The following PCSK2 variants were observed in gnomAD, a reference collection of about 807,000 sequenced individuals.
PCSK2 encodes neuroendocrine convertase 2.
A neutral mutation model predicts 69.7 loss-of-function variants in PCSK2; 14 were observed. That is an observed-to-expected ratio of 0.20 (90% CI 0.13 to 0.31). The LOEUF (loss-of-function observed/expected upper bound fraction) is 0.31. Ranked by LOEUF, PCSK2 falls within the 10% of genes least tolerant of loss-of-function variation. PCSK2 has a pLI of 1.00. For synonymous variants in PCSK2, 307 were observed against 320.7 expected (o/e 0.96, Z 0.46); for missense variants, 544 against 842.5 (o/e 0.65, Z 4.39).
intron 1 of PCSK2, among the ~76,000 whole-genome samples, chr20:17,248,311 G>A (rs908431912): frequency 1.3e-5 from 2 of 152,076 alleles, no homozygotes; most frequent in African/African-American, 4.8e-5. Flanking sequence ...ATCTACCACT[G>A]TGTTCAATAT....
chr20:17,402,953 T>C (rs1313966378), intron 5 of PCSK2, among the ~76,000 whole-genome samples: 3 of 150,332 alleles, frequency 2.0e-5, no homozygotes, highest in African/African-American at 7.4e-5. Flanking sequence ...CGAGACTCCG[T>C]CTCAAAAAAA....
chr20:17,389,695 T>A (rs751646988), intron 5 of PCSK2, among the ~76,000 whole-genome samples: 7 of 152,190 alleles, frequency 4.6e-5, no homozygotes, highest in Non-Finnish European at 8.8e-5. Context: ...AAGGGTTCAG[T>A]GCAGGGTTTA....
In PCSK2 at chr20:17,482,129, C is replaced by G. The variant is rs2033416279; in HGVS notation, c.*59C>G. On this transcript the variant is annotated 3_prime_UTR_variant, in exon 12 of 12. Coordinates refer to ENST00000262545, the MANE Select transcript of PCSK2 (RefSeq NM_002594.5). ...CCCCAGCTCCGCCTCTGTCCTCGCTCCACGTTTCAGGCAGGCACCTAGCAA... is the reference window on the plus strand; with the variant it reads ...CCCCAGCTCCGCCTCTGTCCTCGCTGCACGTTTCAGGCAGGCACCTAGCAA... 3.4e-6 allele frequency: 5 copies of G among 1,487,390 alleles called. No homozygotes were observed. Among genetic ancestry groups the G allele is most frequent in the Middle Eastern group, 5.0e-4 (2 of 4,028 alleles). 92.1% of individuals were successfully genotyped at this position (1,487,390 alleles called of 1,614,324 possible). A position where few individuals can be genotyped will look rare whatever the true frequency, so the allele number is the denominator to read the frequency against.
intron 5 of PCSK2, among the ~76,000 whole-genome samples, chr20:17,396,186 G>A (rs979544284): frequency 3.9e-5 from 6 of 152,176 alleles, no homozygotes; most frequent in Admixed American, 1.3e-4. Context: ...TTCCTTTTCC[G>A]GAGCTGCTCT....
At chr20:17,267,660 GT>G (rs1282150626) in intron 2 of PCSK2, among the ~76,000 whole-genome samples, 1 of 152,000 alleles carries the variant, frequency 6.6e-6, no homozygotes, top group Non-Finnish European at 1.5e-5. Flanking sequence ...TCTAGATGCT[GT>G]TTTTTTCTAG....
At chr20:17,335,433 G>GTGTGTGTC (rs1475811747) in intron 2 of PCSK2, among the ~76,000 whole-genome samples, 3 of 151,280 alleles carry the variant, frequency 2.0e-5, no homozygotes, top group African/African-American at 7.3e-5. Context: ...CACTTTGTGT[G>GTGTGTGTC]TGTGTGTGTG....
At chr20:17,278,488 C>T (rs1988178498) in intron 2 of PCSK2, among the ~76,000 whole-genome samples, 2 of 152,188 alleles carry the variant, frequency 1.3e-5, no homozygotes, top group South Asian at 2.1e-4. Context: ...CCAAACACCG[C>T]ATGTTCTCAC....
intron 6 of PCSK2, among the ~76,000 whole-genome samples, chr20:17,418,780 C>T (rs1406840177): frequency 5.3e-5 from 8 of 152,136 alleles, no homozygotes; most frequent in East Asian, 1.9e-4. Flanking sequence ...GCACCAAATC[C>T]GATGCCCCAT....
intron 4 of PCSK2, among the ~76,000 whole-genome samples, chr20:17,367,499 A>G (rs942349901): frequency 2.6e-5 from 4 of 152,248 alleles, no homozygotes; most frequent in African/African-American, 9.6e-5. Flanking sequence ...CCCAGAGTGG[A>G]ACTGGATCCA....
chr20:17,376,281 C>T (rs930891259), intron 5 of PCSK2, among the ~76,000 whole-genome samples: 12 of 152,234 alleles, frequency 7.9e-5, no homozygotes, highest in African/African-American at 2.9e-4. Flanking sequence ...AGCAGAGCTG[C>T]CTAGCTGAGC....
At chr20:17,265,353 T>G (rs150762601) in intron 2 of PCSK2, among the ~76,000 whole-genome samples, 103 of 152,298 alleles carry the variant, frequency 6.8e-4, no homozygotes, top group Non-Finnish European at 1.1e-3. Flanking sequence ...AAGAATAGGC[T>G]GTTTTTTATC....
intron 5 of PCSK2, among the ~76,000 whole-genome samples, chr20:17,398,760 T>G (rs1054727270): frequency 1.4e-5 from 2 of 146,794 alleles, no homozygotes; most frequent in African/African-American, 4.9e-5. Context: ...GGAGGTTTGT[T>G]TTTTTTTTTA....
chr20:17,280,712 G>C (rs1198697387), intron 2 of PCSK2, among the ~76,000 whole-genome samples: 2 of 152,172 alleles, frequency 1.3e-5, no homozygotes, highest in East Asian at 3.9e-4. Flanking sequence ...GTGATAATGA[G>C]GTACACCTAG....
At chr20:17,479,332 C>T in intron 11 of PCSK2, 1 of 772,162 alleles carries the variant, frequency 1.3e-6, no homozygotes, top group Non-Finnish European at 2.3e-6. Flanking sequence ...TAATTATAAT[C>T]TTCACCACCT....
At chr20:17,352,788 G>C (rs892239849) in intron 2 of PCSK2, among the ~76,000 whole-genome samples, 2 of 152,174 alleles carry the variant, frequency 1.3e-5, no homozygotes, top group African/African-American at 4.8e-5. Flanking sequence ...CATAGGTCTT[G>C]GTAAAGATTT....
intron 2 of PCSK2, among the ~76,000 whole-genome samples, chr20:17,353,358 G>C (rs145247260): frequency 0.013 from 1,901 of 151,970 alleles, 14 homozygotes; most frequent in East Asian, 0.034. Context: ...CCAGCTACTC[G>C]GGTGGCTGAG....
intron 6 of PCSK2, among the ~76,000 whole-genome samples, chr20:17,418,971 GCTGTCCAGCACGAGATT>G (rs1353841398): frequency 6.6e-6 from 1 of 152,208 alleles, no homozygotes; most frequent in Non-Finnish European, 1.5e-5. Context: ...AAAGGCAGCG[GCTGTCCAGCACGAGATT>G]CTCACTGCTG....
intron 2 of PCSK2, among the ~76,000 whole-genome samples, chr20:17,270,621 A>G (rs1987824295): frequency 6.6e-6 from 1 of 152,136 alleles, no homozygotes; most frequent in Non-Finnish European, 1.5e-5. Flanking sequence ...AAGACAAAAT[A>G]GTTTTCCATT....
At chr20:17,383,573 G>A (rs2031148263) in intron 5 of PCSK2, among the ~76,000 whole-genome samples, 1 of 151,926 alleles carries the variant, frequency 6.6e-6, no homozygotes. Flanking sequence ...ATTTCTCAAA[G>A]CATGCAATTT....
Sources: gnomAD v4.1 joint callset for allele counts (sites outside exome capture counted in the v4.1 genomes callset) on GRCh38, gnomAD v4.1.1 for gene constraint, MANE v1.5 for transcripts, NCBI Gene and HGNC (gene_info 2026-07-23, HGNC 2026-07-21) for gene names.